Variants in ZNF333 observed in about 807,000 individuals in gnomAD.
The protein encoded by ZNF333 is zinc finger protein 333.
In ZNF333, 61 loss-of-function variants were observed where a neutral mutation model predicts 76.1. That is an observed-to-expected ratio of 0.80 (90% CI 0.65 to 0.99). ZNF333 has a LOEUF of 0.99. Ranked by LOEUF, ZNF333 falls within the 50% of genes least tolerant of loss-of-function variation. The pLI, the probability that ZNF333 is intolerant of heterozygous loss-of-function variation, is 0.00. For synonymous variants in ZNF333, 284 were observed against 305.0 expected, an observed-to-expected ratio of 0.93 and a Z score of 0.72; for missense variants, 717 against 822.4, an observed-to-expected ratio of 0.87 and a Z score of 1.57.
rs1251452958 is a variant in ZNF333 at position 14,731,089 on chromosome 19, C to T, written c.901-86C>T. ...CTGGTCTCAAGCACCGCCCCTCCTGCCCCCTCCCCCCAAGGATTGGCCCCT... is the reference window on the plus strand; with the variant it reads ...CTGGTCTCAAGCACCGCCCCTCCTGTCCCCTCCCCCCAAGGATTGGCCCCT... On this transcript the variant is annotated intron_variant, in intron 11 of 11. Coordinates refer to the ZNF333 transcript ENST00000540689. The T allele has an allele frequency of 9.0e-6, 11 of 1,220,180 alleles. No homozygotes were observed. The Admixed American group carries it at 9.9e-5, about 11-fold the overall frequency. 75.6% of individuals were successfully genotyped at this position (1,220,180 alleles called of 1,614,324 possible). A position where few individuals can be genotyped will look rare whatever the true frequency, so the allele number is the denominator to read the frequency against.
chr19:14,704,405 C>T (rs867108883), intron 5 of ZNF333, among the ~76,000 whole-genome samples: 42 of 152,148 alleles, frequency 2.8e-4, no homozygotes, highest in African/African-American at 1.0e-3. Flanking sequence ...ATGCTTCAGC[C>T]TCCTAAACAG....
chr19:14,698,935 T>TGTATACAC (rs1555771125), intron 4 of ZNF333, among the ~76,000 whole-genome samples: 26 of 139,360 alleles, frequency 1.9e-4, no homozygotes, highest in African/African-American at 6.6e-4. Context: ...TATATATATA[T>TGTATACAC]ACACACATAT....
At chr19:14,696,159 A>G (rs1001105455) in intron 4 of ZNF333, among the ~76,000 whole-genome samples, 3 of 152,194 alleles carry the variant, frequency 2.0e-5, no homozygotes, top group Admixed American at 2.0e-4. Flanking sequence ...GGATAGAGCG[A>G]GACTCTGTCT....
At chr19:14,732,200 C>T (rs1008417529) in exon 12 of ZNF333, 2 of 152,214 alleles carry the variant, frequency 1.3e-5, no homozygotes, top group African/African-American at 4.8e-5. Flanking sequence ...ACGTTTATGG[C>T]AGCCCTGTGT....
intron 11 of ZNF333, among the ~76,000 whole-genome samples, chr19:14,728,923 G>A (rs934924189): frequency 2.6e-5 from 4 of 152,124 alleles, no homozygotes; most frequent in Non-Finnish European, 5.9e-5. Context: ...GGCTGGGGTC[G>A]GCACAATGTA....
At chr19:14,727,363 G>A (rs1438556958) in intron 11 of ZNF333, among the ~76,000 whole-genome samples, 1 of 152,128 alleles carries the variant, frequency 6.6e-6, no homozygotes, top group Non-Finnish European at 1.5e-5. Flanking sequence ...CTGTTTTGCA[G>A]GCTGCACAAA....
chr19:14,698,577 T>A (rs1973399540), intron 4 of ZNF333, among the ~76,000 whole-genome samples: 1 of 150,738 alleles, frequency 6.6e-6, no homozygotes, highest in African/African-American at 2.4e-5. Flanking sequence ...ATGTGGCTCA[T>A]GCCTGTAATC....
rs1201113333 is a variant in ZNF333 at position 14,704,969 on chromosome 19, TA to T, written c.307-83del. The T allele has an allele frequency of 4.5e-5, 61 of 1,363,012 alleles. No individual in the cohort carries two copies. In the East Asian group the frequency reaches 1.4e-3, roughly 32 times the overall value. 84.4% of individuals were successfully genotyped at this position (1,363,012 alleles called of 1,614,324 possible). A position where few individuals can be genotyped will look rare whatever the true frequency, so the allele number is the denominator to read the frequency against. On this transcript the variant is annotated intron_variant, in intron 5 of 11. Coordinates refer to ENST00000292530, the MANE Select transcript of ZNF333 (RefSeq NM_032433.4). Reference sequence around the variant, plus strand: ...CATTTGCCTTGACTTCTGGCAGCCCTAAGCCCCAAACCAAAGGTCTCTCGGG... The same window carrying T: ...CATTTGCCTTGACTTCTGGCAGCCCTAGCCCCAAACCAAAGGTCTCTCGGG...
At chr19:14,731,511 C>T (rs551885762) in exon 12 of ZNF333, 84 of 340,568 alleles carry the variant, frequency 2.5e-4, no homozygotes, top group African/African-American at 1.7e-3. Context: ...GCCAGGGAAA[C>T]TGCTCACAGT....
chr19:14,701,204 C>T (rs780496453), intron 5 of ZNF333, among the ~76,000 whole-genome samples: 5 of 152,134 alleles, frequency 3.3e-5, no homozygotes, highest in Admixed American at 6.5e-5. Flanking sequence ...GTGGTGGTTG[C>T]GGTAAGCCTC....
downstream of ZNF333, among the ~76,000 whole-genome samples, chr19:14,723,732 C>T (rs2147036584): frequency 6.6e-6 from 1 of 152,292 alleles, no homozygotes; most frequent in Non-Finnish European, 1.5e-5. Context: ...TGAAGTGTCA[C>T]TACTCTCCTT....
chr19:14,693,604 G>A, intron 2 of ZNF333, 110 bp downstream of exon 2: 1 of 1,350,752 alleles, frequency 7.4e-7, no homozygotes, highest in South Asian at 1.5e-5. Context: ...GAGGAAGAAA[G>A]GGAAGGGTGA....
chr19:14,691,676 CT>C (rs71166784), intron 1 of ZNF333, among the ~76,000 whole-genome samples: 29,288 of 121,266 alleles, frequency 0.24, 2,146 homozygotes, highest in Middle Eastern at 0.38. Flanking sequence ...GTCATATTGT[CT>C]TTTTTTTTTT....
At chr19:14,709,429 C>G (rs1163820412) in intron 7 of ZNF333, among the ~76,000 whole-genome samples, 1 of 152,210 alleles carries the variant, frequency 6.6e-6, no homozygotes, top group Non-Finnish European at 1.5e-5. Flanking sequence ...GGGGTTAAGA[C>G]TTCAAGATAT....
intron 5 of ZNF333, among the ~76,000 whole-genome samples, chr19:14,700,825 G>A (rs1013192066): frequency 1.1e-4 from 17 of 152,220 alleles, no homozygotes; most frequent in Admixed American, 1.1e-3. Context: ...CCTGTGTCAT[G>A]GATGGGTGTC....
intron 7 of ZNF333, chr19:14,708,490 T>C: frequency 3.1e-6 from 1 of 319,648 alleles, no homozygotes. Flanking sequence ...GGACTTCATC[T>C]CAGGGGACGG....
In ZNF333 at chr19:14,719,294, C is replaced by G. The variant is rs368675019; in HGVS notation, c.1967C>G (p.Ser656Cys). 6.2e-7 allele frequency: 1 copy of G among 1,612,396 alleles called. No individual in the cohort carries two copies. The highest frequency in any genetic ancestry group is 1.3e-5 in the African/African-American group (1 of 74,840). The part of the protein sequence containing the change: ...IRNGSLPLSM[S>C]HPYCGPLAN The stretch of plus-strand genomic sequence containing the variant: ...AATGGCAGCCTGCCTTTATCCATGT[C>G]TCATCCATACTGTGGGCCCCTTGCT... The change falls in exon 12 of 12, where the codon TCT (serine) becomes TGT (cysteine). Residue 656 changes from serine to cysteine, a missense_variant. By Grantham distance (112) the Ser-to-Cys change is moderately radical. Coordinates refer to ENST00000292530, the MANE Select transcript of ZNF333 (RefSeq NM_032433.4).
chr19:14,698,842 AAAAAAC>A (rs1159760510), intron 4 of ZNF333, among the ~76,000 whole-genome samples: 2 of 105,470 alleles, frequency 1.9e-5, no homozygotes, highest in East Asian at 3.3e-4. Context: ...TCTGTCTCAA[AAAAAAC>A]AAAAAACAAA....
chr19:14,723,858 G>T (rs1232794654), downstream of ZNF333, among the ~76,000 whole-genome samples: 1 of 152,148 alleles, frequency 6.6e-6, no homozygotes, highest in Non-Finnish European at 1.5e-5. Context: ...AACAGGAGAG[G>T]GCAGAGATAT....
Sources: gnomAD v4.1 joint callset for allele counts (sites outside exome capture counted in the v4.1 genomes callset) on GRCh38, gnomAD v4.1.1 for gene constraint, MANE v1.5 for transcripts, NCBI Gene and HGNC (gene_info 2026-07-23, HGNC 2026-07-21) for gene names.